Variants in THOC2 observed in about 807,000 individuals in gnomAD.
THOC2 encodes THO complex 2.
In THOC2, 10 loss-of-function variants were observed where a neutral mutation model predicts 128.4. The observed-to-expected ratio is 0.08, with a 90% CI of 0.05 to 0.13. The LOEUF is 0.13. THOC2 is among the 10% of genes least tolerant of loss of function. THOC2 has a pLI of 1.00. For synonymous variants in THOC2, 393 were observed against 396.9 expected, an observed-to-expected ratio of 0.99 and a Z score of 0.12; for missense variants, 535 against 1,155.7, an observed-to-expected ratio of 0.46 and a Z score of 7.79.
chrX:123,677,641 G>A (rs900578764), intron 8 of THOC2, among the ~76,000 whole-genome samples: 105 of 111,048 alleles, frequency 9.5e-4, no homozygotes, highest in Non-Finnish European at 1.5e-3. Flanking sequence ...GGCCGAGGCA[G>A]GCGGATCACC....
At chrX:123,610,527 T>C (rs944166814) in intron 38 of THOC2, among the ~76,000 whole-genome samples, 5 of 111,880 alleles carry the variant, frequency 4.5e-5, no homozygotes, top group African/African-American at 1.6e-4. Flanking sequence ...AATATCTTTA[T>C]GACCCTCTTC....
At chrX:123,703,241 C>G (rs2050775942) in intron 4 of THOC2, among the ~76,000 whole-genome samples, 1 of 111,707 alleles carries the variant, frequency 9.0e-6, no homozygotes, top group South Asian at 3.7e-4. Context: ...TCTACATTGT[C>G]AAAAACTCAA....
intron 12 of THOC2, among the ~76,000 whole-genome samples, chrX:123,662,812 C>T (rs2048893706): frequency 9.0e-6 from 1 of 111,257 alleles, no homozygotes; most frequent in Non-Finnish European, 1.9e-5. Context: ...CATGAACAGA[C>T]ATTTCACTAA....
At chrX:123,604,310 C>G (rs2046388759) in intron 38 of THOC2, among the ~76,000 whole-genome samples, 1 of 111,225 alleles carries the variant, frequency 9.0e-6, no homozygotes, top group African/African-American at 3.3e-5. Flanking sequence ...TCTGCTGAGA[C>G]AAGATTATAT....
At chrX:123,723,366 T>G (rs1040092142) in intron 1 of THOC2, among the ~76,000 whole-genome samples, 2 of 111,172 alleles carry the variant, frequency 1.8e-5, no homozygotes, top group African/African-American at 6.5e-5. Context: ...TACACTGAAA[T>G]AGCCTGGCAA....
At chrX:123,637,985 A>G in intron 18 of THOC2, 58 bp downstream of exon 18, 1 of 861,611 alleles carries the variant, frequency 1.2e-6, no homozygotes, top group African/African-American at 2.0e-5. Flanking sequence ...AATAAAATGC[A>G]TAACATGGCA....
chrX:123,631,658 T>C (rs1438192941), intron 22 of THOC2, 30 bp downstream of exon 22: 3 of 1,198,020 alleles, frequency 2.5e-6, no homozygotes, highest in Middle Eastern at 2.3e-4. Context: ...TGGATCGTTC[T>C]TGAGCGGCAG....
intron 17 of THOC2, among the ~76,000 whole-genome samples, chrX:123,638,614 G>T (rs2047765218): frequency 9.1e-6 from 1 of 110,137 alleles, no homozygotes; most frequent in Admixed American, 9.8e-5. Context: ...AGCCGAGACA[G>T]TGCCACTGCA....
At chrX:123,650,962 T>C (rs771546624) in intron 12 of THOC2, among the ~76,000 whole-genome samples, 1 of 111,802 alleles carries the variant, frequency 8.9e-6, no homozygotes, top group African/African-American at 3.2e-5. Flanking sequence ...GTGGACCTAA[T>C]AGACATCTAC....
chrX:123,635,661 TG>T lies in THOC2; in HGVS notation c.2018+417del, dbSNP rs1054757561. Among the ~76,000 whole-genome samples the T allele has an allele frequency of 2.7e-5, 3 of 111,923 alleles. No homozygotes were observed. In the Admixed American group the frequency reaches 2.8e-4, roughly 11 times the overall value. On this transcript the variant is annotated intron_variant, in intron 19 of 38. Coordinates refer to ENST00000245838, the MANE Select transcript of THOC2 (RefSeq NM_001081550.2). The stretch of plus-strand genomic sequence containing the variant: ...CTCTAAAACTCAAATTCAAAAATTA[TG>T]CTTTAAAGGTATTATATACACCCTC...
At chrX:123,611,058 G>A in intron 37 of THOC2, 95 bp from the exon 38 acceptor site, 2 of 821,302 alleles carry the variant, frequency 2.4e-6, no homozygotes, top group Non-Finnish European at 3.6e-6. Context: ...AGGCCTAAAT[G>A]GGCTCTGACC....
intron 22 of THOC2, 26 bp from the exon 23 acceptor site, chrX:123,627,994 A>C (rs780880113): frequency 3.7e-6 from 4 of 1,069,632 alleles, no homozygotes; most frequent in Non-Finnish European, 5.2e-6. Flanking sequence ...AAAAATACAT[A>C]CATACATACA....
In THOC2 at chrX:123,698,985, G is replaced by T. The variant is rs749952199; in HGVS notation, c.275-1234C>A. Among the ~76,000 whole-genome samples, 41 of 111,171 alleles carry T rather than the reference G, an allele frequency of 3.7e-4. No homozygotes were observed. In the East Asian group the frequency reaches 6.4e-3, roughly 17 times the overall value. ...AAATATTTAAAAACTGAGAGTTTCA[G>T]TAAATTATTCAGAAAATTTGTCAAA... On this transcript the variant is annotated intron_variant, in intron 4 of 38. Transcript: ENST00000245838.
In THOC2 at chrX:123,624,171, T is replaced by A; in HGVS notation, c.3207A>T (p.Gly1069=). ...CAGTTGCCCGTAATATGGTAAGGAA[T>A]CCTGGATAGTTTCCACATTCCTAAG... ...TYEKECGNYP[G]FLTILRATGF... Residue 1069 remains glycine (G), a synonymous_variant, in exon 27 of 39, where the codon GGA becomes GGT. Coordinates refer to ENST00000245838, the MANE Select transcript of THOC2 (RefSeq NM_001081550.2). 8.4e-6 allele frequency: 10 copies of A among 1,192,737 alleles called. No individual in the cohort carries two copies. The highest frequency in any genetic ancestry group is 1.0e-5 in the Non-Finnish European group (9 of 888,500).
At position 123,700,544 on chromosome X, in the gene THOC2, T is replaced by TG. The variant is rs1216548328; in HGVS notation, c.275-2794dup. On this transcript the variant is annotated intron_variant, in intron 4 of 38. Transcript: ENST00000245838. ...CGGCGGGGGGGAGGTGGTGAGGGGG[T>TG]GGGGGGGGGTGGGGGGGTGGGGAGG... Among the ~76,000 whole-genome samples the TG allele has an allele frequency of 7.0e-3, 160 of 22,939 alleles. 1 individual carries two copies. The highest frequency in any genetic ancestry group is 0.056 in the Middle Eastern group (2 of 36). The allele number at this position is 22,939 out of a possible 115,157, so 19.9% of individuals were successfully genotyped here.
chrX:123,723,610 A>T (rs1164342007), intron 1 of THOC2, among the ~76,000 whole-genome samples: 1 of 111,935 alleles, frequency 8.9e-6, no homozygotes, highest in Non-Finnish European at 1.9e-5. Context: ...AATGAACTAA[A>T]AAAAAAAGGA....
intron 12 of THOC2, among the ~76,000 whole-genome samples, chrX:123,662,849 C>T (rs780815257): frequency 6.3e-5 from 7 of 111,471 alleles, no homozygotes; most frequent in African/African-American, 2.3e-4. Context: ...CAAATAAGCA[C>T]ATGAAAAGAT....
At chrX:123,732,800 C>A in intron 1 of THOC2, 152 bp downstream of exon 1, 1 of 570,224 alleles carries the variant, frequency 1.8e-6, no homozygotes, top group Admixed American at 2.7e-5. Context: ...CACCTCTCCC[C>A]GAGTTCGAAA....
rs2047664294 is a variant in THOC2, at chrX:123,636,120, A to G, written c.1977T>C (p.Gly659=). 1 of 1,208,590 alleles carries G rather than the reference A, an allele frequency of 8.3e-7. No individual in the cohort carries two copies. The highest frequency in any genetic ancestry group is 1.8e-5 in the African/African-American group (1 of 57,057). Residue 659 remains glycine (G), a synonymous_variant, in exon 19 of 39, where the codon GGT becomes GGC. Transcript: ENST00000245838. ...GCTGATTGGCAACATACTGAAGAAG[A>G]CCAGCAAGATCAATTGGATATTTAC... ...VFRKYPIDLA[G]LLQYVANQLK...
Sources: gnomAD v4.1 joint callset for allele counts (sites outside exome capture counted in the v4.1 genomes callset) on GRCh38, gnomAD v4.1.1 for gene constraint, MANE v1.5 for transcripts, NCBI Gene and HGNC (gene_info 2026-07-23, HGNC 2026-07-21) for gene names.